The following GABARAPL2 variants were observed in gnomAD, a reference collection of about 807,000 sequenced individuals.
The protein encoded by GABARAPL2 is gamma-aminobutyric acid receptor-associated protein-like 2.
A neutral mutation model predicts 16.9 loss-of-function variants in GABARAPL2; 11 were observed. The ratio of observed to expected loss-of-function variants is 0.65; its 90% confidence interval spans 0.41 to 1.08. GABARAPL2 has a LOEUF of 1.08. Among genes scored for constraint, GABARAPL2 ranks in the 50% least tolerant of loss-of-function variants. The pLI is 0.00. For missense variants in GABARAPL2, 134 were observed against 142.5 expected (o/e 0.94, Z 0.30); for synonymous variants, 57 against 50.7 (o/e 1.12, Z -0.53).
chr16:75,574,564 C>G (rs74027425), intron 3 of GABARAPL2, among the ~76,000 whole-genome samples: 5,472 of 152,148 alleles, frequency 0.036, 156 homozygotes, highest in African/African-American at 0.08. Context: ...TCTGGGCATT[C>G]TCAACCACCA....
chr16:75,576,189 A>C (rs1007446940), intron 3 of GABARAPL2: 6 of 152,172 alleles, frequency 3.9e-5, no homozygotes, highest in African/African-American at 1.4e-4. Flanking sequence ...CCACATTGTT[A>C]CTTAATAATT....
At chr16:75,571,867 G>C (rs1020048715) in intron 3 of GABARAPL2, among the ~76,000 whole-genome samples, 2 of 151,722 alleles carry the variant, frequency 1.3e-5, no homozygotes, top group Admixed American at 1.3e-4. Flanking sequence ...TAGTAGAGAC[G>C]GGTTTTACCA....
intron 2 of GABARAPL2, among the ~76,000 whole-genome samples, 200 bp from the exon 3 acceptor site, chr16:75,567,837 C>T (rs1290326233): frequency 2.6e-5 from 4 of 152,216 alleles, no homozygotes; most frequent in East Asian, 1.9e-4. Flanking sequence ...CAGAAAAGCA[C>T]TTACTGTTTC....
At chr16:75,568,351 C>A in intron 3 of GABARAPL2, 142 bp downstream of exon 3, 1 of 566,214 alleles carries the variant, frequency 1.8e-6, no homozygotes, top group Non-Finnish European at 3.2e-6. Context: ...ATCAGGGGCT[C>A]CAGGAAAATA....
intron 3 of GABARAPL2, among the ~76,000 whole-genome samples, chr16:75,571,279 C>T (rs1181706804): frequency 6.6e-6 from 1 of 152,178 alleles, no homozygotes; most frequent in Admixed American, 6.5e-5. Flanking sequence ...GTGTTACCCA[C>T]CATGCCTGGC....
At position 75,577,345 on chromosome 16, in the gene GABARAPL2, C is replaced by T. The variant is rs138701710; in HGVS notation, c.330C>T (p.Ser110=). 7.0e-5 allele frequency: 113 copies of T among 1,610,236 alleles called. No individual in the cohort carries two copies. Among genetic ancestry groups the T allele is most frequent in the South Asian group, 1.1e-4 (10 of 90,996 alleles). Residue 110 remains serine (S), a synonymous_variant, in exon 4 of 4, where the codon AGC becomes AGT. Transcript: ENST00000037243. ...DEDGFLYVAY[S]GENTFGF ...ATGGATTCTTATATGTGGCCTACAG[C>T]GGAGAGAACACTTTTGGCTTCTGAG... is the stretch of plus-strand genomic sequence containing the variant.
At chr16:75,567,486 T>G (rs1379471440) in intron 2 of GABARAPL2, among the ~76,000 whole-genome samples, 1 of 152,216 alleles carries the variant, frequency 6.6e-6, no homozygotes, top group African/African-American at 2.4e-5. Context: ...TAATGGACAT[T>G]AAGGCCTGTT....
chr16:75,571,357 C>G (rs530204107), intron 3 of GABARAPL2, among the ~76,000 whole-genome samples: 6 of 152,300 alleles, frequency 3.9e-5, no homozygotes, highest in African/African-American at 1.4e-4. Context: ...GCTTCTGGAT[C>G]TTAAAGAGAT....
chr16:75,572,980 C>T (rs6564268), intron 3 of GABARAPL2, among the ~76,000 whole-genome samples: 5 of 152,126 alleles, frequency 3.3e-5, no homozygotes, highest in South Asian at 2.1e-4. Flanking sequence ...GTGCTACTTG[C>T]GAGTTGTCAG....
chr16:75,571,817 A>C (rs1456243601), intron 3 of GABARAPL2, among the ~76,000 whole-genome samples: 2 of 151,186 alleles, frequency 1.3e-5, no homozygotes, highest in Non-Finnish European at 2.9e-5. Context: ...CTGGGATTAC[A>C]GGCGACTGCC....
chr16:75,567,974 A>G, intron 2 of GABARAPL2, 63 bp from the exon 3 acceptor site: 3 of 1,319,570 alleles, frequency 2.3e-6, no homozygotes, highest in East Asian at 4.7e-5. Flanking sequence ...TCAGCTCCTC[A>G]GCCATGTGAG....
At position 75,575,163 on chromosome 16, in the gene GABARAPL2, G is replaced by A. The variant is rs761425984; in HGVS notation, c.264-2116G>A. ...AAGGCTGAGACCCACGGCTGCAGGC[G>A]TTGTTCCTCCCTCTACCCACTGCCC... On this transcript the variant is annotated intron_variant, in intron 3 of 3. Transcript: ENST00000037243. 3.3e-5 allele frequency among the ~76,000 whole-genome samples: 5 copies of A among 152,132 alleles called. No individual in the cohort carries two copies. The East Asian group carries it at 5.8e-4, about 18-fold the overall frequency.
chr16:75,577,235 C>G (rs964466783), intron 3 of GABARAPL2, 44 bp from the exon 4 acceptor site: 2 of 1,237,632 alleles, frequency 1.6e-6, no homozygotes, highest in African/African-American at 1.5e-5. Context: ...CTCCTGAAAC[C>G]TGGACTCCAA....
intron 1 of GABARAPL2, 151 bp downstream of exon 1, chr16:75,566,671 C>T: frequency 1.0e-6 from 1 of 997,184 alleles, no homozygotes; most frequent in Non-Finnish European, 1.5e-6. Context: ...GGCAGCGGCC[C>T]CCTGACCCCA....
At position 75,566,850 on chromosome 16, in the gene GABARAPL2, A is replaced by G. The variant is rs2080886652; in HGVS notation, c.35-2A>G. 3 of 1,613,138 alleles carry G rather than the reference A, an allele frequency of 1.9e-6. 1 individual carries two copies. The highest frequency in any genetic ancestry group is 1.6e-4 in the Middle Eastern group (1 of 6,062). On this transcript the variant is annotated splice_acceptor_variant, in intron 1 of 3. Transcript: ENST00000037243. LOFTEE classifies it high-confidence loss of function. The stretch of plus-strand genomic sequence containing the variant: ...CGTCAGCCCCGTTTGTTTCTCCCAC[A>G]GAACACAGATGCGTGGAGTCCGCGA...
At position 75,566,510 on chromosome 16, in the gene GABARAPL2, C is replaced by T. The variant is rs879852013; in HGVS notation, c.24C>T (p.Asp8=). MKWMFKE[D]HSLEHRCVES... ...CCATGAAGTGGATGTTCAAGGAGGACCACTCGCTGGGTAAGCACTTGGTCG... is the reference window on the plus strand; with the variant it reads ...CCATGAAGTGGATGTTCAAGGAGGATCACTCGCTGGGTAAGCACTTGGTCG... The change falls in exon 1 of 4, where the codon GAC becomes GAT. Residue 8 remains aspartate, a synonymous_variant. Coordinates refer to ENST00000037243, the MANE Select transcript of GABARAPL2 (RefSeq NM_007285.7). The T allele has an allele frequency of 7.5e-6, 12 of 1,608,942 alleles. No individual in the cohort carries two copies. Among genetic ancestry groups the T allele is most frequent in the East Asian group, 2.3e-5 (1 of 44,368 alleles).
At chr16:75,568,601 A>T (rs540890847) in intron 3 of GABARAPL2, among the ~76,000 whole-genome samples, 40 of 152,354 alleles carry the variant, frequency 2.6e-4, no homozygotes, top group African/African-American at 9.6e-4. Flanking sequence ...CACTCAGTTA[A>T]TCATCCAGTT....
chr16:75,575,882 G>A (rs1014394033), intron 3 of GABARAPL2: 18 of 152,268 alleles, frequency 1.2e-4, no homozygotes, highest in African/African-American at 4.3e-4. Context: ...ATTTCAACAT[G>A]TAATCAAAAT....
chr16:75,572,488 A>G (rs2080921351), intron 3 of GABARAPL2: 3 of 152,342 alleles, frequency 2.0e-5, no homozygotes, highest in Admixed American at 2.0e-4. Flanking sequence ...TTGGGCATCC[A>G]TACAGTTCTA....
Sources: allele counts gnomAD v4.1 joint callset (sites outside exome capture counted in the v4.1 genomes callset), GRCh38; gene constraint gnomAD v4.1.1; transcripts MANE v1.5; gene names NCBI Gene and HGNC (gene_info 2026-07-23, HGNC 2026-07-21).